The following SPTBN4 variants were observed in gnomAD, a reference collection of about 807,000 sequenced individuals.
SPTBN4 encodes spectrin beta chain, non-erythrocytic 4.
Under a neutral mutation model 277.8 loss-of-function variants are expected in SPTBN4, and 96 were observed. The observed-to-expected ratio is 0.35, with a 90% CI of 0.29 to 0.41. The LOEUF is 0.41. Among genes scored for constraint, SPTBN4 ranks in the 10% least tolerant of loss-of-function variants. SPTBN4 has a pLI of 1.00. For missense variants in SPTBN4, 3,006 were observed against 3,595.7 expected (o/e 0.84, Z 4.19); for synonymous variants, 1,481 against 1,580.3 (o/e 0.94, Z 1.49).
In SPTBN4 at chr19:40,565,321, G is replaced by T. The variant is rs1318589378; in HGVS notation, c.5916-102G>T. The T allele has an allele frequency of 1.0e-5, 14 of 1,355,840 alleles. No individual in the cohort carries two copies. In the Middle Eastern group the frequency reaches 5.6e-4, roughly 55 times the overall value. 84.0% of individuals were successfully genotyped at this position (1,355,840 alleles called of 1,614,324 possible). A position where few individuals can be genotyped will look rare whatever the true frequency, so the allele number is the denominator to read the frequency against. On this transcript the variant is annotated intron_variant, in intron 27 of 35. Transcript: ENST00000598249. ...GAAAGTAAGTGTCTTGAGGTGGTAT[G>T]GGATGTCAGCCTCAAGGATTTGGGG...
At position 40,554,974 on chromosome 19, in the gene SPTBN4, G is replaced by C. The variant is rs2080961077; in HGVS notation, c.5084+328G>C. The C allele has an allele frequency of 3.6e-6, 1 of 278,866 alleles. No individual in the cohort carries two copies. Among genetic ancestry groups the C allele is most frequent in the African/African-American group, 2.3e-5 (1 of 44,000 alleles). The allele number at this position is 278,866 out of a possible 1,614,324, so 17.3% of individuals were successfully genotyped here. ...GGCTCTTTCTACTCAGTGTCTGGGA[G>C]GACAGAAAAGCCTGTGCTGAGATTG... On this transcript the variant is annotated intron_variant, in intron 24 of 35. Transcript: ENST00000598249. The surrounding 1 kb of genome is among the most constrained non-coding windows in gnomAD (Gnocchi z 5.7).
intron 13 of SPTBN4, among the ~76,000 whole-genome samples, chr19:40,511,441 G>A (rs1331657254): frequency 6.6e-6 from 1 of 151,936 alleles, no homozygotes; most frequent in East Asian, 1.9e-4. Flanking sequence ...AACAACAACA[G>A]CAACAACAAC....
chr19:40,558,947 T>TATTATTATTATGATGATG (rs1026792401), intron 26 of SPTBN4, among the ~76,000 whole-genome samples: 13 of 146,140 alleles, frequency 8.9e-5, no homozygotes, highest in African/African-American at 3.3e-4. Flanking sequence ...TTATTATTAT[T>TATTATTATTATGATGATG]ATGAGGCAGA....
At chr19:40,553,610 A>G (rs1403423042) in intron 22 of SPTBN4, among the ~76,000 whole-genome samples, 1 of 152,204 alleles carries the variant, frequency 6.6e-6, no homozygotes, top group Non-Finnish European at 1.5e-5. Flanking sequence ...AATAAGGTTA[A>G]GGCACACAAA....
rs187123741 is a variant in SPTBN4, at chr19:40,472,745, G to A, written c.124G>A (p.Ala42Thr). 17 of 1,604,360 alleles carry A rather than the reference G, an allele frequency of 1.1e-5. No individual in the cohort carries two copies. In the Admixed American group the frequency reaches 1.2e-4, roughly 11 times the overall value. The change falls in exon 2 of 36, where the codon GCA (alanine) becomes ACA (threonine). Residue 42 changes from alanine (A) to threonine (T), a missense_variant. By Grantham distance (58) the Ala-to-Thr change is moderately conservative. Transcript: ENST00000598249. ...WEREQPAAST[A>T]AASLFECSRI... is the part of the protein sequence containing the mutation. ...GCGGGAGCAGCCGGCTGCGTCCACC[G>A]CAGCGGCCTCGCTCTTTGAGTGCTC...
chr19:40,534,046 T>A, intron 19 of SPTBN4, 34 bp from the exon 20 acceptor site: 1 of 1,573,712 alleles, frequency 6.4e-7, no homozygotes, highest in Non-Finnish European at 8.7e-7. Flanking sequence ...CTATCTATCT[T>A]CTCCATCTCC....
intron 27 of SPTBN4, among the ~76,000 whole-genome samples, chr19:40,564,675 A>G (rs554244203): frequency 1.2e-4 from 18 of 151,746 alleles, no homozygotes; most frequent in Middle Eastern, 3.4e-3. Flanking sequence ...CTGTCTCTAC[A>G]GAAAATGAAA....
At position 40,513,026 on chromosome 19, in the gene SPTBN4, A is replaced by C. The variant is rs2080410700; in HGVS notation, c.2237A>C (p.Glu746Ala). The stretch of plus-strand genomic sequence containing the variant: ...ACCGTGCACCTGGTAGGCCTGGCGG[A>C]GCGCGCGGCGAGCGCCCGGCGCCGC... ...ADTVHLVGLAERAASARRRWQ... is the reference protein window; with the variant it reads ...ADTVHLVGLAARAASARRRWQ... The change falls in exon 14 of 36, where the codon GAG (glutamate) becomes GCG (alanine). Residue 746 changes from glutamate (E) to alanine (A), a missense_variant. Physicochemically the swap from Glu to Ala is moderately radical, Grantham distance 107. Transcript: ENST00000598249. The C allele has an allele frequency of 2.8e-6, 4 of 1,421,972 alleles. No homozygotes were observed. In the Admixed American group the frequency reaches 1.2e-4, roughly 43 times the overall value. 88.1% of individuals were successfully genotyped at this position (1,421,972 alleles called of 1,614,324 possible).
chr19:40,499,439 G>C (rs1398103869), intron 7 of SPTBN4, among the ~76,000 whole-genome samples: 1 of 152,098 alleles, frequency 6.6e-6, no homozygotes. Flanking sequence ...GCCCAGGCTG[G>C]AGTGCAGTGG....
chr19:40,489,646 C>T (rs2080114268), intron 3 of SPTBN4, among the ~76,000 whole-genome samples: 1 of 152,168 alleles, frequency 6.6e-6, no homozygotes, highest in Non-Finnish European at 1.5e-5. Flanking sequence ...CCTCGGCCTC[C>T]CAAAGTGCTG....
At chr19:40,569,754 T>C in intron 32 of SPTBN4, 28 bp downstream of exon 32, 1 of 1,597,530 alleles carries the variant, frequency 6.3e-7, no homozygotes, top group Non-Finnish European at 8.5e-7. Flanking sequence ...TGGGTGGGGA[T>C]AGGAGGACCC....
chr19:40,505,764 T>A (rs1431723624), intron 12 of SPTBN4, among the ~76,000 whole-genome samples: 10 of 131,006 alleles, frequency 7.6e-5, no homozygotes, highest in African/African-American at 2.1e-4. Flanking sequence ...GAAAGAAAGG[T>A]GAACAGGAGA....
chr19:40,500,824 G>A (rs2080255279), intron 7 of SPTBN4, among the ~76,000 whole-genome samples: 1 of 151,476 alleles, frequency 6.6e-6, no homozygotes, highest in Non-Finnish European at 1.5e-5. Context: ...TCCAGCCTGG[G>A]CAATAGCTTG....
chr19:40,567,877 A>G lies in SPTBN4; in HGVS notation c.6551A>G (p.Lys2184Arg), dbSNP rs779661442. 403 of 1,525,014 alleles carry G rather than the reference A, an allele frequency of 2.6e-4. 2 individuals are homozygous for G. Among genetic ancestry groups the G allele is most frequent in the Non-Finnish European group, 2.2e-5 (25 of 1,138,684 alleles). The allele number at this position is 1,525,014 out of a possible 1,614,324, so 94.5% of individuals were successfully genotyped here. A position where few individuals can be genotyped will look rare whatever the true frequency, so the allele number is the denominator to read the frequency against. ...GTGGGGTATGTGCGCCAGGAGCTCA[A>G]GCCCGAGCGCCTCCAGCCGCGCATT... is the stretch of plus-strand genomic sequence containing the variant. Reference protein sequence around the residue: ...TRVGYVRQELKPERLQPRIDR... With the variant: ...TRVGYVRQELRPERLQPRIDR... Residue 2184 changes from lysine (K) to arginine (R), a missense_variant, in exon 31 of 36, where the codon AAG (lysine) becomes AGG (arginine). Lys to Arg is a conservative substitution (Grantham distance 26). Coordinates refer to ENST00000598249, the MANE Select transcript of SPTBN4 (RefSeq NM_020971.3).
In SPTBN4 at chr19:40,472,750, G is replaced by C. The variant is rs777993962; in HGVS notation, c.129G>C (p.Ala43=). 1.2e-6 allele frequency: 2 copies of C among 1,601,474 alleles called. No individual in the cohort carries two copies. Among genetic ancestry groups the C allele is most frequent in the Non-Finnish European group, 1.7e-6 (2 of 1,173,598 alleles). The part of the protein sequence containing the change: ...EREQPAASTA[A]ASLFECSRIK... ...AGCAGCCGGCTGCGTCCACCGCAGC[G>C]GCCTCGCTCTTTGAGTGCTCCCGGA... Residue 43 remains alanine (A), a synonymous_variant, in exon 2 of 36, where the codon GCG becomes GCC. Transcript: ENST00000598249.
intron 21 of SPTBN4, 102 bp from the exon 22 acceptor site, chr19:40,550,136 G>A (rs2080901553): frequency 1.1e-6 from 1 of 910,764 alleles, no homozygotes; most frequent in East Asian, 2.6e-5. Flanking sequence ...GGGCTCTTAG[G>A]CAAGGAAGGG....
chr19:40,556,984 T>C lies in SPTBN4; in HGVS notation c.5290-39T>C, dbSNP rs758987498. 2.0e-6 allele frequency: 3 copies of C among 1,517,262 alleles called. No homozygotes were observed. In the East Asian group the frequency reaches 6.9e-5, roughly 35 times the overall value. The allele number at this position is 1,517,262 out of a possible 1,614,324, so 94.0% of individuals were successfully genotyped here. A position where few individuals can be genotyped will look rare whatever the true frequency, so the allele number is the denominator to read the frequency against. On this transcript the variant is annotated intron_variant, in intron 25 of 35. Coordinates refer to ENST00000598249, the MANE Select transcript of SPTBN4 (RefSeq NM_020971.3). ...GGGCTGGTGTATGCTGCCCCTTTGCTCACTTTGCTGTACCCCCCCCCCCAC... is the reference window on the plus strand; with the variant it reads ...GGGCTGGTGTATGCTGCCCCTTTGCCCACTTTGCTGTACCCCCCCCCCCAC...
rs559711419 is a variant in SPTBN4 at position 40,498,554 on chromosome 19, C to T, written c.784+950C>T. 2.2e-3 allele frequency among the ~76,000 whole-genome samples: 333 copies of T among 151,214 alleles called. 3 individuals are homozygous for T. Among genetic ancestry groups the T allele is most frequent in the African/African-American group, 7.6e-3 (312 of 41,198 alleles). On this transcript the variant is annotated intron_variant, in intron 7 of 35. Transcript: ENST00000598249. The stretch of plus-strand genomic sequence containing the variant: ...CCAAGTAGCTTGGACTACAGGCGCC[C>T]GCCACCACGCCCGGCTAATTTTTTG...
chr19:40,524,508 C>T (rs747879739), intron 17 of SPTBN4: 13 of 447,756 alleles, frequency 2.9e-5, no homozygotes, highest in Non-Finnish European at 5.4e-5. Flanking sequence ...TTCTGTCCCC[C>T]CTCCAAAAAA....
Sources: gnomAD v4.1 joint callset for allele counts (sites outside exome capture counted in the v4.1 genomes callset) on GRCh38, gnomAD v4.1.1 for gene constraint, Gnocchi (gnomAD v3.1) non-coding constraint, MANE v1.5 for transcripts, NCBI Gene and HGNC (gene_info 2026-07-23, HGNC 2026-07-21) for gene names.